The following IQGAP1 variants were observed in gnomAD, a reference collection of about 807,000 sequenced individuals.
The protein encoded by IQGAP1 is ras GTPase-activating-like protein IQGAP1.
Under a neutral mutation model 215.6 loss-of-function variants are expected in IQGAP1, and 66 were observed. The ratio of observed to expected loss-of-function variants is 0.31; its 90% CI spans 0.25 to 0.38. IQGAP1 has a LOEUF of 0.38. Ranked by LOEUF, IQGAP1 falls within the 10% of genes least tolerant of loss-of-function variation. The pLI is 1.00. For missense variants in IQGAP1, 1,712 were observed against 1,997.1 expected (o/e 0.86, Z 2.72); for synonymous variants, 772 against 728.7 (o/e 1.06, Z -0.96).
At chr15:90,434,112 G>A (rs1459512448) in intron 5 of IQGAP1, among the ~76,000 whole-genome samples, 1 of 152,032 alleles carries the variant, frequency 6.6e-6, no homozygotes, top group Admixed American at 6.6e-5. Context: ...GTAGGTCCTT[G>A]CCATTGTTAA....
At chr15:90,440,963 C>T (rs564760599) in intron 7 of IQGAP1, among the ~76,000 whole-genome samples, 2 of 152,012 alleles carry the variant, frequency 1.3e-5, no homozygotes, top group South Asian at 2.1e-4. Context: ...AAAATTTAGC[C>T]GGGCATGGTG....
chr15:90,411,223 A>G (rs1050918148), intron 2 of IQGAP1, among the ~76,000 whole-genome samples: 4 of 151,882 alleles, frequency 2.6e-5, no homozygotes, highest in Non-Finnish European at 5.9e-5. Context: ...TCTCTTTCCT[A>G]ATGCACTGTT....
In IQGAP1 at chr15:90,453,198, A is replaced by G; in HGVS notation, c.1393A>G (p.Arg465Gly). The G allele has an allele frequency of 1.2e-6, 2 of 1,614,034 alleles. No individual in the cohort carries two copies. Among genetic ancestry groups the G allele is most frequent in the Non-Finnish European group, 1.7e-6 (2 of 1,179,934 alleles). Residue 465 changes from arginine to glycine, a missense_variant, in exon 13 of 38, where the codon AGG becomes GGG. Physicochemically the swap from Arg to Gly is moderately radical, Grantham distance 125. Coordinates refer to ENST00000268182, the MANE Select transcript of IQGAP1 (RefSeq NM_003870.4). The part of the protein sequence containing the change: ...EMLSSVALIN[R>G]ALESGDVNTV... ...GTTGTCATCGGTGGCCCTGATCAAC[A>G]GGGCATTGGAATCAGGAGATGTGAA...
At chr15:90,443,589 G>T in intron 9 of IQGAP1, 111 bp downstream of exon 9, 2 of 625,270 alleles carry the variant, frequency 3.2e-6, no homozygotes, top group South Asian at 2.4e-5. Flanking sequence ...AGACATTCGT[G>T]GATTTGTTTA....
intron 7 of IQGAP1, among the ~76,000 whole-genome samples, chr15:90,441,077 A>G (rs1258176513): frequency 6.6e-6 from 1 of 151,912 alleles, no homozygotes; most frequent in Non-Finnish European, 1.5e-5. Context: ...ATTGCACTCC[A>G]GACTGGGCAA....
At chr15:90,406,722 G>A (rs1225252670) in intron 2 of IQGAP1, among the ~76,000 whole-genome samples, 1 of 152,142 alleles carries the variant, frequency 6.6e-6, no homozygotes, top group Non-Finnish European at 1.5e-5. Context: ...TGTTTCTAGA[G>A]AGATAGTTAA....
rs1431872689 is a variant in IQGAP1 at position 90,501,444 on chromosome 15, T to TCTCC, written c.*1338_*1339insCCCT. On this transcript the variant is annotated 3_prime_UTR_variant, in exon 38 of 38. Transcript: ENST00000268182. The stretch of plus-strand genomic sequence containing the variant: ...TATATTGAAATCATGCTGCTGAGCC[T>TCTCC]CTATTTTCTTTCTTTGATGTTTTGA... The TCTCC allele has an allele frequency of 4.6e-5, 7 of 152,154 alleles. No individual in the cohort carries two copies. The East Asian group carries it at 1.4e-3, about 29-fold the overall frequency. 9.4% of individuals were successfully genotyped at this position (152,154 alleles called of 1,614,324 possible).
intron 2 of IQGAP1, among the ~76,000 whole-genome samples, chr15:90,419,181 C>T (rs1965097387): frequency 6.7e-6 from 1 of 149,914 alleles, no homozygotes; most frequent in Non-Finnish European, 1.5e-5. Flanking sequence ...TTCAGAATCA[C>T]ACCAACTTGG....
intron 28 of IQGAP1, 147 bp from the exon 29 acceptor site, chr15:90,483,214 T>A (rs1336132028): frequency 3.3e-6 from 2 of 612,156 alleles, no homozygotes; most frequent in African/African-American, 3.7e-5. Flanking sequence ...AGTGTGTATA[T>A]GTGCATGCAT....
intron 2 of IQGAP1, among the ~76,000 whole-genome samples, chr15:90,400,497 G>A (rs886297453): frequency 1.3e-5 from 2 of 152,218 alleles, no homozygotes; most frequent in Middle Eastern, 6.8e-3. Flanking sequence ...TGAAAAAAAG[G>A]AGCAGGTAGC....
chr15:90,397,887 TC>T (rs1486775225), intron 2 of IQGAP1: 3 of 96,564 alleles, frequency 3.1e-5, no homozygotes, highest in African/African-American at 1.1e-4. Context: ...TTTTTTTTTT[TC>T]TTTTTTTTTT....
chr15:90,391,361 T>C (rs1207280137), intron 2 of IQGAP1: 1 of 153,760 alleles, frequency 6.5e-6, no homozygotes, highest in Non-Finnish European at 1.4e-5. Context: ...GATGAGAGTT[T>C]ATCATGAATC....
In IQGAP1 at chr15:90,502,208, A is replaced by ATCTC. The variant is rs1289770001; in HGVS notation, c.*2102_*2105dup. On this transcript the variant is annotated 3_prime_UTR_variant, in exon 38 of 38. Transcript: ENST00000268182. ...TGTTGCTGCACATAGTTGCCTTTGTATCTCTGTATGAAATAAAAGGTCATT... is the reference window on the plus strand; with the variant it reads ...TGTTGCTGCACATAGTTGCCTTTGTATCTCTCTCTGTATGAAATAAAAGGTCATT... 6.5e-5 allele frequency: 10 copies of ATCTC among 152,756 alleles called. No individual in the cohort carries two copies. The highest frequency in any genetic ancestry group is 6.5e-4 in the Admixed American group (10 of 15,300). The allele number at this position is 152,756 out of a possible 1,614,324, so 9.5% of individuals were successfully genotyped here.
intron 2 of IQGAP1, among the ~76,000 whole-genome samples, chr15:90,411,122 T>C (rs1398562814): frequency 6.6e-6 from 1 of 152,176 alleles, no homozygotes; most frequent in Non-Finnish European, 1.5e-5. Context: ...GAAAATCAGT[T>C]AGCATTCCTC....
chr15:90,416,128 G>A (rs1448506235), intron 2 of IQGAP1, among the ~76,000 whole-genome samples: 2 of 151,960 alleles, frequency 1.3e-5, no homozygotes, highest in East Asian at 1.9e-4. Context: ...CCATTAACTC[G>A]TCATTTACAT....
At chr15:90,424,448 G>C (rs1267787102) in intron 2 of IQGAP1, among the ~76,000 whole-genome samples, 1 of 152,166 alleles carries the variant, frequency 6.6e-6, no homozygotes, top group Non-Finnish European at 1.5e-5. Context: ...ATCGAGTATA[G>C]GAAACAACCA....
At chr15:90,487,473 T>A in intron 32 of IQGAP1, 22 bp from the exon 33 acceptor site, 1 of 1,573,296 alleles carries the variant, frequency 6.4e-7, no homozygotes, top group South Asian at 1.1e-5. Context: ...AATATTTAAA[T>A]GCCTCCCCCA....
At chr15:90,414,655 G>A (rs1477315385) in intron 2 of IQGAP1, among the ~76,000 whole-genome samples, 1 of 152,044 alleles carries the variant, frequency 6.6e-6, no homozygotes, top group Non-Finnish European at 1.5e-5. Context: ...AAGTGTTGGT[G>A]TTCTCTGAGG....
At chr15:90,464,469 GCTAA>G (rs935818873) in intron 15 of IQGAP1, among the ~76,000 whole-genome samples, 18 of 152,112 alleles carry the variant, frequency 1.2e-4, no homozygotes, top group African/African-American at 4.3e-4. Flanking sequence ...ATCCTATTGT[GCTAA>G]CTCTCAGTAA....
Sources: allele counts gnomAD v4.1 joint callset (sites outside exome capture counted in the v4.1 genomes callset), GRCh38; gene constraint gnomAD v4.1.1; transcripts MANE v1.5; gene names NCBI Gene and HGNC (gene_info 2026-07-23, HGNC 2026-07-21).